Variants in VWA8 observed in about 807,000 individuals in gnomAD.
VWA8 encodes von Willebrand factor A domain containing 8, also known as von Willebrand factor A domain-containing protein 8.
A neutral mutation model predicts 241.5 loss-of-function variants in VWA8; 221 were observed. The observed-to-expected ratio is 0.91, with a 90% CI of 0.82 to 1.02. The LOEUF (loss-of-function observed/expected upper bound fraction) is 1.02. Ranked by LOEUF, VWA8 falls within the 50% of genes least tolerant of loss-of-function variation. The pLI, the probability that VWA8 is intolerant of heterozygous loss-of-function variation, is 0.00. For missense variants in VWA8, 2,322 were observed against 2,328.7 expected, an observed-to-expected ratio of 1.00 and a Z score of 0.06; for synonymous variants, 852 against 827.1, an observed-to-expected ratio of 1.03 and a Z score of -0.52.
At chr13:41,935,606 A>G (rs1049119560) in intron 2 of VWA8, among the ~76,000 whole-genome samples, 3 of 152,058 alleles carry the variant, frequency 2.0e-5, no homozygotes, top group Non-Finnish European at 4.4e-5. Flanking sequence ...AAAAATGTAA[A>G]AAGAAAAATA....
intron 9 of VWA8, among the ~76,000 whole-genome samples, chr13:41,874,647 T>C (rs1409309733): frequency 6.6e-6 from 1 of 152,144 alleles, no homozygotes; most frequent in Non-Finnish European, 1.5e-5. Flanking sequence ...AAATGAAATA[T>C]AAATCACATT....
chr13:41,669,963 T>C (rs1217448746), intron 37 of VWA8, among the ~76,000 whole-genome samples: 2 of 152,146 alleles, frequency 1.3e-5, no homozygotes, highest in Admixed American at 1.3e-4. Flanking sequence ...AGATTTGAGT[T>C]TGAGGTTTTC....
At chr13:41,701,291 C>A (rs994513580) in intron 28 of VWA8, 101 bp downstream of exon 28, 111 of 1,344,566 alleles carry the variant, frequency 8.3e-5, no homozygotes, top group Non-Finnish European at 1.0e-4. Flanking sequence ...ATGACAGACA[C>A]CAAGTCTATC....
intron 2 of VWA8, chr13:41,926,881 G>A: frequency 1.7e-6 from 1 of 577,646 alleles, no homozygotes. Flanking sequence ...GCTGTTGAAT[G>A]CCCTCTACCT....
chr13:41,658,609 G>A (rs1393889426), intron 37 of VWA8, among the ~76,000 whole-genome samples: 2 of 152,094 alleles, frequency 1.3e-5, no homozygotes, highest in Admixed American at 1.3e-4. Flanking sequence ...AGAAACATCC[G>A]TAATGTCTGC....
intron 12 of VWA8, among the ~76,000 whole-genome samples, chr13:41,847,586 C>T (rs1872345583): frequency 6.6e-6 from 1 of 152,086 alleles, no homozygotes; most frequent in African/African-American, 2.4e-5. Context: ...GGTTCTCAAC[C>T]CTGGCTGCTG....
intron 16 of VWA8, among the ~76,000 whole-genome samples, chr13:41,813,350 T>C (rs1004559612): frequency 4.6e-5 from 7 of 152,102 alleles, no homozygotes; most frequent in Admixed American, 3.9e-4. Flanking sequence ...AGAGGTAGGA[T>C]ACAACAAACT....
chr13:41,606,462 T>C lies in VWA8; in HGVS notation c.4878-1186A>G, dbSNP rs192792123. ...ACATTTCTATAAATTACTATAAATA[T>C]AAAAGGTACTGATATTAGGACAAGG... On this transcript the variant is annotated intron_variant, in intron 39 of 44. Coordinates refer to ENST00000379310, the MANE Select transcript of VWA8 (RefSeq NM_015058.2). 4.8e-3 allele frequency among the ~76,000 whole-genome samples: 726 copies of C among 152,198 alleles called. 5 individuals carry two copies. Among genetic ancestry groups the C allele is most frequent in the Non-Finnish European group, 8.4e-3 (572 of 68,008 alleles).
intron 10 of VWA8, 54 bp downstream of exon 10, chr13:41,868,292 A>T: frequency 6.2e-7 from 1 of 1,603,576 alleles, no homozygotes; most frequent in Non-Finnish European, 8.5e-7. Context: ...TTTAGGTCAT[A>T]AAAACAGGCA....
chr13:41,759,814 C>T (rs11839570), intron 21 of VWA8, among the ~76,000 whole-genome samples: 2,120 of 151,570 alleles, frequency 0.014, 45 homozygotes, highest in African/African-American at 0.048. Context: ...TTGGATTTTG[C>T]GGTCTTCTTG....
At chr13:41,602,745 C>T (rs1329134021) in intron 40 of VWA8, among the ~76,000 whole-genome samples, 2 of 152,122 alleles carry the variant, frequency 1.3e-5, no homozygotes, top group African/African-American at 2.4e-5. Context: ...CTGTCATTCC[C>T]ATTTTACAGA....
At chr13:41,733,566 C>T (rs781137829) in intron 21 of VWA8, among the ~76,000 whole-genome samples, 1 of 152,110 alleles carries the variant, frequency 6.6e-6, no homozygotes, top group Non-Finnish European at 1.5e-5. Context: ...ACTGAAAGTT[C>T]CTTGCCTGCC....
chr13:41,584,585 G>T (rs1013912567), intron 42 of VWA8, among the ~76,000 whole-genome samples: 1 of 152,134 alleles, frequency 6.6e-6, no homozygotes, highest in Non-Finnish European at 1.5e-5. Context: ...ACTTTCTATG[G>T]TCTTAAATAA....
chr13:41,850,772 A>G (rs968112365), intron 12 of VWA8, among the ~76,000 whole-genome samples: 1 of 152,220 alleles, frequency 6.6e-6, no homozygotes, highest in African/African-American at 2.4e-5. Context: ...ACAGACACCA[A>G]TGCAAGCCCA....
intron 43 of VWA8, among the ~76,000 whole-genome samples, chr13:41,573,489 ATATAT>A (rs1323955258): frequency 7.1e-4 from 77 of 109,136 alleles, no homozygotes; most frequent in Non-Finnish European, 1.2e-3. Context: ...AAAAAAAAAT[ATATAT>A]ATATATATAT....
rs541967693 is a variant in VWA8 at position 41,915,621 on chromosome 13, G to C, written c.242-3453C>G. ...TGAGTTTGTCACAATTAAGCCCAGAGAAAGAGTTTCTCTCTATTTCCTTTA... is the reference window on the plus strand; with the variant it reads ...TGAGTTTGTCACAATTAAGCCCAGACAAAGAGTTTCTCTCTATTTCCTTTA... On this transcript the variant is annotated intron_variant, in intron 2 of 44. Coordinates refer to ENST00000379310, the MANE Select transcript of VWA8 (RefSeq NM_015058.2). 7.2e-5 allele frequency among the ~76,000 whole-genome samples: 11 copies of C among 152,326 alleles called. No homozygotes were observed. In the South Asian group the frequency reaches 2.3e-3, roughly 32 times the overall value.
chr13:41,574,550 T>C (rs994884463), intron 43 of VWA8, among the ~76,000 whole-genome samples: 3 of 152,208 alleles, frequency 2.0e-5, no homozygotes, highest in African/African-American at 7.2e-5. Context: ...ATCATTATTT[T>C]TCAAAGAACT....
intron 36 of VWA8, among the ~76,000 whole-genome samples, chr13:41,672,307 A>G: frequency 6.6e-6 from 1 of 152,210 alleles, no homozygotes; most frequent in East Asian, 1.9e-4. Flanking sequence ...GTGTGTATAT[A>G]TATATGTATG....
At chr13:41,652,367 G>A (rs758292150) in intron 37 of VWA8, among the ~76,000 whole-genome samples, 1 of 152,184 alleles carries the variant, frequency 6.6e-6, no homozygotes, top group Non-Finnish European at 1.5e-5. Flanking sequence ...TTAGCAGAGT[G>A]AGCCTGGACA....
Sources: allele counts gnomAD v4.1 joint callset (sites outside exome capture counted in the v4.1 genomes callset), GRCh38; gene constraint gnomAD v4.1.1; transcripts MANE v1.5; gene names NCBI Gene and HGNC (gene_info 2026-07-23, HGNC 2026-07-21).